The following MYO15B variants were observed in gnomAD, a reference collection of about 807,000 sequenced individuals.
MYO15B encodes myosin XVB pseudogene.
MYO15B carries 207 observed loss-of-function variants against 119.3 expected under a neutral mutation model. The observed-to-expected ratio is 1.73, with a 90% confidence interval of 1.55 to 1.95. The LOEUF is 1.95. Ranked by LOEUF, MYO15B falls within the 30% of genes most tolerant of loss-of-function variation. The pLI is 0.00. For missense variants in MYO15B, 2,264 were observed against 1,203.1 expected, an observed-to-expected ratio of 1.88 and a Z score of -13.04; for synonymous variants, 966 against 498.9, an observed-to-expected ratio of 1.94 and a Z score of -12.48.
chr17:75,607,163 T>C (rs757453630), intron 21 of MYO15B: 21 of 389,722 alleles, frequency 5.4e-5, no homozygotes, highest in Non-Finnish European at 8.1e-5. Flanking sequence ...ATCTCCACTA[T>C]CTATTTCCAA....
chr17:75,613,080 T>C, exon 27 of MYO15B: 1 of 702,550 alleles, frequency 1.4e-6, no homozygotes, highest in Non-Finnish European at 2.6e-6. Context: ...CGGAATGAGC[T>C]CTTTAGCCAG....
Position 75,603,299 on chromosome 17 carries a change from GC to G in MYO15B, c.4005del (p.Phe1336SerfsTer26), listed in dbSNP as rs2057403974. 1 of 702,950 alleles carries G rather than the reference GC, an allele frequency of 1.4e-6. No homozygotes were observed. Among genetic ancestry groups the G allele is most frequent in the African/African-American group, 1.7e-5 (1 of 57,264 alleles). The allele number at this position is 702,950 out of a possible 1,614,324, so 43.5% of individuals were successfully genotyped here. A position where few individuals can be genotyped will look rare whatever the true frequency, so the allele number is the denominator to read the frequency against. ...CTTCCCCGTGCGTGTGCCCTTTGAG[GC>G]CTTCCTGGCCAGGTGGGGCCCAGCA... is the stretch of plus-strand genomic sequence containing the variant. On this transcript the variant is annotated frameshift_variant, in exon 19 of 64. Transcript: ENST00000645453. LOFTEE classifies it high-confidence loss of function.
At chr17:75,598,669 A>G (rs2057043660) in intron 14 of MYO15B, among the ~76,000 whole-genome samples, 1 of 152,204 alleles carries the variant, frequency 6.6e-6, no homozygotes, top group African/African-American at 2.4e-5. Flanking sequence ...AACAAGTCAC[A>G]TTAATATATG....
intron 41 of MYO15B, 59 bp downstream of exon 41, chr17:75,617,363 A>G: frequency 1.7e-6 from 1 of 582,162 alleles, no homozygotes; most frequent in Non-Finnish European, 3.1e-6. Context: ...CAGGGTTCGC[A>G]CAGACTCTCG....
chr17:75,620,410 A>G, intron 48 of MYO15B, 53 bp downstream of exon 48: 1 of 702,700 alleles, frequency 1.4e-6, no homozygotes, highest in Non-Finnish European at 2.6e-6. Flanking sequence ...CACTTGGCAG[A>G]GGCTGCCCGG....
chr17:75,602,020 C>T (rs756683676), intron 15 of MYO15B, among the ~76,000 whole-genome samples: 7 of 152,000 alleles, frequency 4.6e-5, no homozygotes, highest in Non-Finnish European at 7.4e-5. Context: ...AGAAGCTGCA[C>T]GCGTGCCTAC....
rs759976804 is a variant in MYO15B at position 75,605,548 on chromosome 17, G to A, written c.4061G>A (p.Arg1354Gln). 40 of 702,862 alleles carry A rather than the reference G, an allele frequency of 5.7e-5. 1 individual carries two copies. Among genetic ancestry groups the A allele is most frequent in the African/African-American group, 3.8e-4 (22 of 57,334 alleles). The allele number at this position is 702,862 out of a possible 1,614,324, so 43.5% of individuals were successfully genotyped here. ...GAAGGGCAGGAAGACCTCTCTGACC[G>A]GGAGAAGTGTGGTGCCGTCCTGAGC... The change falls in exon 20 of 64, where the codon CGG becomes CAG. Residue 1354 changes from arginine to glutamine, a missense_variant. Arg to Gln is a conservative substitution (Grantham distance 43). Coordinates refer to ENST00000645453, the Ensembl canonical transcript of MYO15B.
exon 27 of MYO15B, chr17:75,613,132 C>T (rs1568183098): frequency 7.1e-6 from 5 of 702,628 alleles, no homozygotes; most frequent in Non-Finnish European, 1.3e-5. Flanking sequence ...AACAGCAGAG[C>T]CAGCGTGGCT....
intron 53 of MYO15B, among the ~76,000 whole-genome samples, chr17:75,623,279 G>A (rs1025515786): frequency 4.0e-5 from 6 of 151,862 alleles, no homozygotes; most frequent in Non-Finnish European, 5.9e-5. Flanking sequence ...GAGCCAAGAT[G>A]GCACCACTGC....
chr17:75,595,989 G>A (rs373882624), intron 12 of MYO15B, among the ~76,000 whole-genome samples: 1 of 152,222 alleles, frequency 6.6e-6, no homozygotes, highest in East Asian at 1.9e-4. Flanking sequence ...GGTGATGGTG[G>A]CCTGTGTGTG....
intron 20 of MYO15B, 83 bp from the exon 21 acceptor site, chr17:75,605,781 A>G: frequency 1.5e-6 from 1 of 647,590 alleles, no homozygotes; most frequent in Middle Eastern, 2.8e-4. Flanking sequence ...GTTTGGCTGG[A>G]AGGGAGGAGG....
chr17:75,589,202 G>A lies in MYO15B; in HGVS notation c.1145G>A (p.Arg382Gln), dbSNP rs1272285190. The change falls in exon 1 of 64, where the codon CGG (arginine) becomes CAG (glutamine). Residue 382 changes from arginine (R) to glutamine (Q), a missense_variant. Coordinates refer to ENST00000645453, the Ensembl canonical transcript of MYO15B. This position sits in a 1 kb window ranked among gnomAD's most constrained non-coding sequence, Gnocchi z 4.2. ...CTGGGCCTCCTGCGCTGGCTGCGGCGGCGGCTGCGGCTGCGGCGGCGGCCG... is the reference window on the plus strand; with the variant it reads ...CTGGGCCTCCTGCGCTGGCTGCGGCAGCGGCTGCGGCTGCGGCGGCGGCCG... The A allele has an allele frequency of 3.0e-5, 10 of 330,146 alleles. No individual in the cohort carries two copies. Among genetic ancestry groups the A allele is most frequent in the Non-Finnish European group, 4.7e-5 (9 of 189,932 alleles). The allele number at this position is 330,146 out of a possible 1,614,324, so 20.5% of individuals were successfully genotyped here.
At chr17:75,605,346 G>A (rs2444841) in intron 19 of MYO15B, among the ~76,000 whole-genome samples, 158 bp from the exon 20 acceptor site, 26,366 of 151,452 alleles carry the variant, frequency 0.17, 3,755 homozygotes, top group African/African-American at 0.39. Flanking sequence ...CTGAGGCAGG[G>A]GAATGGCCTG....
exon 57 of MYO15B, chr17:75,624,421 T>G (rs2058899859): frequency 1.4e-6 from 1 of 702,430 alleles, no homozygotes; most frequent in Admixed American, 2.0e-5. Flanking sequence ...GGGTGTGGAT[T>G]ATAGGACGAA....
intron 9 of MYO15B, 76 bp downstream of exon 9, chr17:75,592,916 G>C (rs2056573179): frequency 1.5e-6 from 1 of 659,132 alleles, no homozygotes; most frequent in Non-Finnish European, 2.8e-6. Context: ...GACGCCAAAT[G>C]CTGGTGTGTA....
rs369156054 is a variant in MYO15B at position 75,593,139 on chromosome 17, C to T, written c.2991+299C>T. On this transcript the variant is annotated intron_variant, in intron 9 of 63. Coordinates refer to ENST00000645453, the Ensembl canonical transcript of MYO15B. Reference sequence around the variant, plus strand: ...CTTTGGGAGGCCGAGGCAGGAGGATCGTGTGAAGCCAGGAGTTTGAGACCA... The same window carrying T: ...CTTTGGGAGGCCGAGGCAGGAGGATTGTGTGAAGCCAGGAGTTTGAGACCA... 78 of 186,288 alleles carry T rather than the reference C, an allele frequency of 4.2e-4. No individual in the cohort carries two copies. The East Asian group carries it at 6.1e-3, about 15-fold the overall frequency. 11.5% of individuals were successfully genotyped at this position (186,288 alleles called of 1,614,324 possible). A position where few individuals can be genotyped will look rare whatever the true frequency, so the allele number is the denominator to read the frequency against.
chr17:75,599,751 C>A (rs990724380), intron 14 of MYO15B, among the ~76,000 whole-genome samples: 7 of 150,806 alleles, frequency 4.6e-5, no homozygotes, highest in Non-Finnish European at 8.9e-5. Flanking sequence ...AAAAATGAGT[C>A]GAGCGTGGTG....
rs2059073335 is a variant in MYO15B, at chr17:75,626,428, ACT to A, written c.9236_9237del (p.Thr3079SerfsTer12). On this transcript the variant is annotated frameshift_variant, in exon 64 of 64. Transcript: ENST00000645453. LOFTEE classifies it low-confidence loss of function (END_TRUNC). ...GCAGGCCCAGGAGCTGCTATACACC[ACT>A]GTCTTCCTGATAGACAGCAGTGCCT... is the stretch of plus-strand genomic sequence containing the variant. 1 of 703,076 alleles carries A rather than the reference ACT, an allele frequency of 1.4e-6. No individual in the cohort carries two copies. The highest frequency in any genetic ancestry group is 1.7e-5 in the African/African-American group (1 of 57,272). The allele number at this position is 703,076 out of a possible 1,614,324, so 43.6% of individuals were successfully genotyped here.
chr17:75,601,575 C>G lies in MYO15B; in HGVS notation c.3651+12C>G. 1 of 702,854 alleles carries G rather than the reference C, an allele frequency of 1.4e-6. No homozygotes were observed. The highest frequency in any genetic ancestry group is 2.6e-6 in the Non-Finnish European group (1 of 384,838). 43.5% of individuals were successfully genotyped at this position (702,854 alleles called of 1,614,324 possible). On this transcript the variant is annotated intron_variant, in intron 15 of 63. Coordinates refer to ENST00000645453, the Ensembl canonical transcript of MYO15B. The stretch of plus-strand genomic sequence containing the variant: ...CTGTCACCTACCAGGTACCTGGCCT[C>G]AGGGACAGACCAGGGTGAATCAGCG...
Sources: gnomAD v4.1 joint callset for allele counts (sites outside exome capture counted in the v4.1 genomes callset) on GRCh38, gnomAD v4.1.1 for gene constraint, Gnocchi (gnomAD v3.1) non-coding constraint, MANE v1.5 for transcripts, NCBI Gene and HGNC (gene_info 2026-07-23, HGNC 2026-07-21) for gene names.